ATM: variants seen among roughly 807,000 people sequenced by gnomAD.
ATM encodes ATM serine/threonine kinase.
ATM carries 308 observed loss-of-function variants against 387.0 expected under a neutral mutation model. The observed-to-expected ratio is 0.80, with a 90% CI of 0.73 to 0.87. ATM has a LOEUF of 0.87. Ranked by LOEUF, ATM falls within the 40% of genes least tolerant of loss-of-function variation. The probability of loss-of-function intolerance (pLI) is 0.00; values close to 1 mark genes in which losing one functional copy is unlikely to be tolerated. For synonymous variants in ATM, 1,156 were observed against 1,187.3 expected, an observed-to-expected ratio of 0.97 and a Z score of 0.54; for missense variants, 3,312 against 3,560.9, an observed-to-expected ratio of 0.93 and a Z score of 1.78.
chr11:108,267,479 T>C (rs1320762278), intron 17 of ATM, 137 bp downstream of exon 17: 7 of 647,132 alleles, frequency 1.1e-5, no homozygotes, highest in South Asian at 2.4e-5. Flanking sequence ...TCCTTTCTTA[T>C]ATACTTTATT....
intron 61 of ATM, among the ~76,000 whole-genome samples, chr11:108,363,984 G>A (rs1320037113): frequency 6.6e-6 from 1 of 152,170 alleles, no homozygotes; most frequent in Non-Finnish European, 1.5e-5. Context: ...AGCCATGTCA[G>A]TGCCCAACTT....
rs1591499584 is a variant in ATM at position 108,243,956 on chromosome 11, T to C, written c.500T>C (p.Leu167Ser). Residue 167 changes from leucine to serine, a missense_variant, in exon 6 of 63, where the codon TTG becomes TCG. By Grantham distance (145) the Leu-to-Ser change is moderately radical. Around this residue, in one of 4 missense-constraint regions of ATM, gnomAD observed 1,791 missense variants for 1,804.5 expected, o/e 0.99. Coordinates refer to ENST00000675843, the MANE Select transcript of ATM (RefSeq NM_000051.4). ...ATAATTTTTTTTTTTTTTTAAGAAT[T>C]GTTCTCTGTGTACTTCAGGCTCTAT... is the stretch of plus-strand genomic sequence containing the variant. Reference protein sequence around the residue: ...CEISQQQWLELFSVYFRLYLK... With the variant: ...CEISQQQWLESFSVYFRLYLK... 6.4e-7 allele frequency: 1 copy of C among 1,566,496 alleles called. No individual in the cohort carries two copies.
chr11:108,362,522 C>A (rs1234763261), intron 61 of ATM, among the ~76,000 whole-genome samples: 11 of 149,566 alleles, frequency 7.4e-5, no homozygotes, highest in Non-Finnish European at 1.6e-4. Context: ...CGGCATTATT[C>A]ACAATAGCAA....
At position 108,365,921 on chromosome 11, in the gene ATM, C is replaced by T. The variant is rs1487597483; in HGVS notation, c.*413C>T. 2 of 185,212 alleles carry T rather than the reference C, an allele frequency of 1.1e-5. No individual in the cohort carries two copies. Among genetic ancestry groups the T allele is most frequent in the Admixed American group, 1.1e-4 (2 of 17,590 alleles). The allele number at this position is 185,212 out of a possible 1,614,324, so 11.5% of individuals were successfully genotyped here. A position where few individuals can be genotyped will look rare whatever the true frequency, so the allele number is the denominator to read the frequency against. On this transcript the variant is annotated 3_prime_UTR_variant, in exon 63 of 63. Transcript: ENST00000675843. ...GCGGGCACCTGTAATCCCAGCTACT[C>T]GAGAGGCTGAGGCAGGAGAATCTCT...
intron 59 of ATM, among the ~76,000 whole-genome samples, chr11:108,347,576 T>C (rs1485156028): frequency 2.0e-5 from 3 of 152,110 alleles, no homozygotes; most frequent in African/African-American, 7.2e-5. Flanking sequence ...ATGAGGTGTC[T>C]TTTGAGCCTG....
chr11:108,301,504 T>C (rs2083427893), intron 34 of ATM, 144 bp from the exon 35 acceptor site: 1 of 970,374 alleles, frequency 1.0e-6, no homozygotes, highest in Non-Finnish European at 1.6e-6. Flanking sequence ...TTGATACTTT[T>C]ATTTGATATT....
chr11:108,309,388 C>T (rs558307146), intron 38 of ATM, among the ~76,000 whole-genome samples: 4 of 152,280 alleles, frequency 2.6e-5, no homozygotes, highest in Admixed American at 2.6e-4. Flanking sequence ...TATTCATCAG[C>T]TTTGCAGGCA....
At position 108,297,271 on chromosome 11, in the gene ATM, A is replaced by T. The variant is rs866500582; in HGVS notation, c.4910-16A>T. ...TTCATGCTAGTTTAAACTAATTTTT[A>T]AAAAATTATTTCTAGATAATCCGCA... On this transcript the variant is annotated splice_polypyrimidine_tract_variant and intron_variant, in intron 32 of 62. Coordinates refer to ENST00000675843, the MANE Select transcript of ATM (RefSeq NM_000051.4). 10 of 1,605,164 alleles carry T rather than the reference A, an allele frequency of 6.2e-6. No homozygotes were observed. The highest frequency in any genetic ancestry group is 1.3e-5 in the African/African-American group (1 of 74,846).
At chr11:108,344,775 A>G (rs1694979874) in intron 57 of ATM, among the ~76,000 whole-genome samples, 1 of 152,086 alleles carries the variant, frequency 6.6e-6, no homozygotes, top group Admixed American at 6.5e-5. Flanking sequence ...ATACCAAGGC[A>G]GGAGGATTGC....
chr11:108,287,517 A>G, intron 26 of ATM, 83 bp from the exon 27 acceptor site: 1 of 825,004 alleles, frequency 1.2e-6, no homozygotes, highest in Non-Finnish European at 1.9e-6. Flanking sequence ...ACTTTTGGAA[A>G]TAAGGTAATA....
intron 61 of ATM, 44 bp from the exon 62 acceptor site, chr11:108,365,037 TA>T (rs1565607112): frequency 1.2e-6 from 2 of 1,604,336 alleles, no homozygotes; most frequent in South Asian, 2.2e-5. Context: ...AGTATGTGAT[TA>T]AAATGTACAT....
chr11:108,359,690 A>C (rs1565595095), intron 61 of ATM, among the ~76,000 whole-genome samples: 1 of 152,226 alleles, frequency 6.6e-6, no homozygotes, highest in Non-Finnish European at 1.5e-5. Flanking sequence ...CTGCTCCTGA[A>C]TGACTACTGG....
chr11:108,229,670 T>G (rs2078915764), intron 4 of ATM: 1 of 226,170 alleles, frequency 4.4e-6, no homozygotes, highest in Non-Finnish European at 8.7e-6. Flanking sequence ...GACAGAAATC[T>G]GAGGATTGAA....
chr11:108,287,718 A>G lies in ATM; in HGVS notation c.4109+3A>G, dbSNP rs1388807238. ...ACTGACCTCTGTGACTTTTCAGGGTATGTACATTTTAAACTTAGAGAACTA... is the reference window on the plus strand; with the variant it reads ...ACTGACCTCTGTGACTTTTCAGGGTGTGTACATTTTAAACTTAGAGAACTA... On this transcript the variant is annotated splice_donor_region_variant and intron_variant, in intron 27 of 62. Coordinates refer to ENST00000675843, the MANE Select transcript of ATM (RefSeq NM_000051.4). 4.4e-6 allele frequency: 7 copies of G among 1,604,260 alleles called. No individual in the cohort carries two copies. The highest frequency in any genetic ancestry group is 6.0e-6 in the Non-Finnish European group (7 of 1,171,526).
chr11:108,353,095 T>C (rs1460419061), intron 59 of ATM, among the ~76,000 whole-genome samples: 2 of 152,226 alleles, frequency 1.3e-5, no homozygotes, highest in Admixed American at 1.3e-4. Context: ...GGGATGATCT[T>C]TTCTGTATGA....
rs766906532 is a variant in ATM at position 108,289,124 on chromosome 11, T to C, written c.4236+21T>C. 5.0e-6 allele frequency: 8 copies of C among 1,596,166 alleles called. No individual in the cohort carries two copies. The Admixed American group carries it at 1.3e-4, about 27-fold the overall frequency. On this transcript the variant is annotated intron_variant, in intron 28 of 62. Coordinates refer to ENST00000675843, the MANE Select transcript of ATM (RefSeq NM_000051.4). ...GCCCTGTAAGTATACATGATGAGTT[T>C]AATAATAGAACATTCCTTCTTTTTT...
chr11:108,232,875 T>C (rs1428017828), intron 4 of ATM, among the ~76,000 whole-genome samples: 3 of 151,100 alleles, frequency 2.0e-5, no homozygotes, highest in Admixed American at 1.3e-4. Context: ...TCTTTTTTTT[T>C]TTTTGAGACA....
Position 108,324,479 on chromosome 11 carries a change from G to A in ATM, c.6573-831G>A, listed in dbSNP as rs908163006. ...TATCAGTAGATATGGTCCAACGATC[G>A]AAAGTTCTTTGGGGTCTTCAATAAT... On this transcript the variant is annotated intron_variant, in intron 45 of 62. Transcript: ENST00000675843. 3.3e-5 allele frequency among the ~76,000 whole-genome samples: 5 copies of A among 152,008 alleles called. No homozygotes were observed. The South Asian group carries it at 6.2e-4, about 19-fold the overall frequency.
rs755557468 is a variant in ATM, at chr11:108,229,333, G to A, written c.331+10G>A. 3 of 1,596,370 alleles carry A rather than the reference G, an allele frequency of 1.9e-6. No homozygotes were observed. Among genetic ancestry groups the A allele is most frequent in the Admixed American group, 1.7e-5 (1 of 59,406 alleles). On this transcript the variant is annotated intron_variant, in intron 4 of 62. Coordinates refer to ENST00000675843, the MANE Select transcript of ATM (RefSeq NM_000051.4). ...AAATGTGCAAACAGAAGTAAGTGAT[G>A]TTATAAATTATAAATAAATGGCTTA...
Sources: gnomAD v4.1 joint callset for allele counts (sites outside exome capture counted in the v4.1 genomes callset) on GRCh38, gnomAD v4.1.1 for gene constraint, gnomAD v4.1.1 regional missense constraint, MANE v1.5 for transcripts, NCBI Gene and HGNC (gene_info 2026-07-23, HGNC 2026-07-21) for gene names.